MIPOL1: variants seen among roughly 807,000 people sequenced by gnomAD.
MIPOL1 encodes the protein mirror-image polydactyly 1, also known as mirror-image polydactyly gene 1 protein.
Under a neutral mutation model 60.9 loss-of-function variants are expected in MIPOL1, and 57 were observed. The ratio of observed to expected loss-of-function variants is 0.94; its 90% CI spans 0.76 to 1.17. The LOEUF (loss-of-function observed/expected upper bound fraction) is 1.17, where lower values mean the gene tolerates loss of function less well. Among genes scored for constraint, MIPOL1 ranks in the 50% most tolerant of loss-of-function variants. The pLI is 0.00. For synonymous variants in MIPOL1, 179 were observed against 168.8 expected, an observed-to-expected ratio of 1.06 and a Z score of -0.47; for missense variants, 551 against 511.6, an observed-to-expected ratio of 1.08 and a Z score of -0.74.
chr14:37,391,298 A>G (rs2093230808), intron 10 of MIPOL1, among the ~76,000 whole-genome samples: 1 of 152,206 alleles, frequency 6.6e-6, no homozygotes. Flanking sequence ...TCAAATGGAA[A>G]ATGATACCAA....
intron 1 of MIPOL1, among the ~76,000 whole-genome samples, chr14:37,244,425 C>T (rs895140138): frequency 1.3e-5 from 2 of 151,860 alleles, no homozygotes; most frequent in African/African-American, 2.4e-5. Flanking sequence ...CCCGCCACTT[C>T]CTTTTTTATA....
chr14:37,452,305 A>G (rs1314322089), intron 11 of MIPOL1, among the ~76,000 whole-genome samples: 1 of 152,228 alleles, frequency 6.6e-6, no homozygotes, highest in Non-Finnish European at 1.5e-5. Flanking sequence ...AATATAGCAG[A>G]AAAGCATCAA....
At chr14:37,360,366 A>G (rs1036537443) in intron 9 of MIPOL1, among the ~76,000 whole-genome samples, 2 of 152,018 alleles carry the variant, frequency 1.3e-5, no homozygotes, top group African/African-American at 4.8e-5. Context: ...CTCTTTCTCT[A>G]TTGATTGGAA....
chr14:37,205,926 A>G lies in MIPOL1; in HGVS notation c.-199+7822A>G, dbSNP rs531404632. Among the ~76,000 whole-genome samples the G allele has an allele frequency of 5.9e-5, 9 of 152,326 alleles. No individual in the cohort carries two copies. The East Asian group carries it at 1.7e-3, about 29-fold the overall frequency. The stretch of plus-strand genomic sequence containing the variant: ...CTGTTGTGAATAGTACCATATAAAC[A>G]TACATGTGCCTGAAACACATTCGGT... On this transcript the variant is annotated intron_variant, in intron 1 of 12. Coordinates refer to ENST00000684589, the MANE Select transcript of MIPOL1 (RefSeq NM_001388067.1).
chr14:37,453,222 A>G (rs2094441711), intron 11 of MIPOL1, among the ~76,000 whole-genome samples: 1 of 152,146 alleles, frequency 6.6e-6, no homozygotes, highest in African/African-American at 2.4e-5. Flanking sequence ...CTTCAAGGCC[A>G]TAATCACTTT....
At chr14:37,427,179 G>A (rs1055131254) in intron 11 of MIPOL1, among the ~76,000 whole-genome samples, 1 of 152,138 alleles carries the variant, frequency 6.6e-6, no homozygotes, top group Non-Finnish European at 1.5e-5. Context: ...CTCAGCAGAT[G>A]AATAAACAAA....
intron 1 of MIPOL1, among the ~76,000 whole-genome samples, chr14:37,227,268 G>A (rs1473234518): frequency 1.3e-5 from 2 of 152,164 alleles, no homozygotes; most frequent in Non-Finnish European, 2.9e-5. Context: ...ACTGCTTGCT[G>A]TTCAAATGAA....
intron 12 of MIPOL1, among the ~76,000 whole-genome samples, chr14:37,539,742 T>G (rs1349108448): frequency 6.6e-6 from 1 of 152,174 alleles, no homozygotes; most frequent in Non-Finnish European, 1.5e-5. Flanking sequence ...TGTATGCAGA[T>G]AGGTAGAAGA....
chr14:37,239,114 C>T (rs535183121), intron 1 of MIPOL1, among the ~76,000 whole-genome samples: 190 of 146,212 alleles, frequency 1.3e-3, no homozygotes, highest in African/African-American at 4.6e-3. Flanking sequence ...CAGTGGCGCT[C>T]GGCTCACTGC....
intron 9 of MIPOL1, among the ~76,000 whole-genome samples, chr14:37,332,621 T>G (rs1274406516): frequency 6.6e-6 from 1 of 152,158 alleles, no homozygotes; most frequent in Non-Finnish European, 1.5e-5. Flanking sequence ...GAAAATACAT[T>G]TACAATACTG....
chr14:37,258,751 AC>A (rs1975380949), intron 3 of MIPOL1, among the ~76,000 whole-genome samples: 1 of 152,148 alleles, frequency 6.6e-6, no homozygotes, highest in Non-Finnish European at 1.5e-5. Context: ...CAAAATACTT[AC>A]GTACTTTAAA....
rs146660324 is a variant in MIPOL1, at chr14:37,364,167, A to T, written c.829-5350A>T. Among the ~76,000 whole-genome samples, 8 of 152,286 alleles carry T rather than the reference A, an allele frequency of 5.3e-5. No homozygotes were observed. The East Asian group carries it at 1.4e-3, about 26-fold the overall frequency. On this transcript the variant is annotated intron_variant, in intron 9 of 12. Coordinates refer to ENST00000684589, the MANE Select transcript of MIPOL1 (RefSeq NM_001388067.1). ...CCACTGTCTAACCAATCCCAATGAG[A>T]TGAACTGGGTACTTTAGTTGGAAAT... is the stretch of plus-strand genomic sequence containing the variant.
chr14:37,415,488 G>A (rs779673137), intron 10 of MIPOL1, among the ~76,000 whole-genome samples: 8 of 151,896 alleles, frequency 5.3e-5, no homozygotes, highest in Non-Finnish European at 1.2e-4. Flanking sequence ...AATTAGCCAG[G>A]CGTGGTGGCG....
chr14:37,538,394 T>C (rs2095515714), intron 12 of MIPOL1, among the ~76,000 whole-genome samples: 1 of 152,206 alleles, frequency 6.6e-6, no homozygotes, highest in African/African-American at 2.4e-5. Flanking sequence ...TCTTTGGTTC[T>C]TTCCCAGTCA....
At chr14:37,282,178 A>G (rs1337768417) in intron 6 of MIPOL1, among the ~76,000 whole-genome samples, 2 of 151,988 alleles carry the variant, frequency 1.3e-5, no homozygotes, top group African/African-American at 4.8e-5. Context: ...TTGACAGTAT[A>G]AATAAAATTT....
chr14:37,264,036 C>A (rs1262097895), intron 3 of MIPOL1, among the ~76,000 whole-genome samples: 17 of 152,040 alleles, frequency 1.1e-4, no homozygotes, highest in Non-Finnish European at 1.3e-4. Context: ...AGTGATGGGG[C>A]AATACAAATA....
chr14:37,264,217 A>C (rs1450873929), intron 3 of MIPOL1, among the ~76,000 whole-genome samples: 1 of 152,140 alleles, frequency 6.6e-6, no homozygotes, highest in South Asian at 2.1e-4. Context: ...TTGGGCTATG[A>C]ATAAGGTAAA....
intron 9 of MIPOL1, among the ~76,000 whole-genome samples, chr14:37,368,106 G>T: frequency 6.6e-6 from 1 of 152,000 alleles, no homozygotes; most frequent in East Asian, 1.9e-4. Flanking sequence ...AATCTGCACT[G>T]AGTCAGTATT....
chr14:37,208,172 C>T (rs1397524135), intron 1 of MIPOL1, among the ~76,000 whole-genome samples: 3 of 152,068 alleles, frequency 2.0e-5, no homozygotes, highest in Non-Finnish European at 4.4e-5. Context: ...TATGAATTTG[C>T]AGTTCTGTGT....
Sources: allele counts gnomAD v4.1 joint callset (sites outside exome capture counted in the v4.1 genomes callset), GRCh38; gene constraint gnomAD v4.1.1; transcripts MANE v1.5; gene names NCBI Gene and HGNC (gene_info 2026-07-23, HGNC 2026-07-21).